ARHGAP15: variants seen among roughly 807,000 people sequenced by gnomAD.
ARHGAP15 encodes Rho GTPase activating protein 15.
Under a neutral mutation model 63.7 loss-of-function variants are expected in ARHGAP15, and 51 were observed. That is an observed-to-expected ratio of 0.80 (90% CI 0.64 to 1.01). The LOEUF is 1.01. Among genes scored for constraint, ARHGAP15 ranks in the 50% least tolerant of loss-of-function variants. ARHGAP15 has a pLI of 0.00. For missense variants in ARHGAP15, 560 were observed against 564.6 expected, an observed-to-expected ratio of 0.99 and a Z score of 0.08; for synonymous variants, 191 against 193.8, an observed-to-expected ratio of 0.99 and a Z score of 0.12.
At chr2:143,444,645 G>A (rs1690050395) in intron 8 of ARHGAP15, among the ~76,000 whole-genome samples, 1 of 151,736 alleles carries the variant, frequency 6.6e-6, no homozygotes, top group African/African-American at 2.4e-5. Flanking sequence ...GATTTATTTG[G>A]ATGTCCCAAA....
At chr2:143,568,498 A>T (rs1696326266) in intron 11 of ARHGAP15, among the ~76,000 whole-genome samples, 2 of 152,352 alleles carry the variant, frequency 1.3e-5, no homozygotes, top group East Asian at 3.9e-4. Flanking sequence ...GGCGATCATT[A>T]AAAAGTCAGG....
chr2:143,402,853 A>G (rs1245840132), intron 6 of ARHGAP15, among the ~76,000 whole-genome samples: 2 of 151,846 alleles, frequency 1.3e-5, no homozygotes, highest in East Asian at 3.9e-4. Context: ...TCACTTTGGG[A>G]CTTCGATGAA....
At chr2:143,406,265 CTAGTTT>C (rs1420824966) in intron 6 of ARHGAP15, among the ~76,000 whole-genome samples, 1 of 151,792 alleles carries the variant, frequency 6.6e-6, no homozygotes, top group Non-Finnish European at 1.5e-5. Flanking sequence ...GTTTATAATT[CTAGTTT>C]TAAAGTCTTT....
At chr2:143,387,348 G>T (rs906399780) in intron 6 of ARHGAP15, among the ~76,000 whole-genome samples, 3 of 152,064 alleles carry the variant, frequency 2.0e-5, no homozygotes, top group South Asian at 2.1e-4. Flanking sequence ...AAATTAAACA[G>T]AATGTAAGAG....
intron 6 of ARHGAP15, among the ~76,000 whole-genome samples, chr2:143,276,562 G>A (rs1355708281): frequency 6.6e-6 from 1 of 152,106 alleles, no homozygotes; most frequent in Non-Finnish European, 1.5e-5. Flanking sequence ...GCATTTTTAT[G>A]CATATTTTCA....
intron 6 of ARHGAP15, among the ~76,000 whole-genome samples, chr2:143,290,589 C>T (rs1301513763): frequency 6.6e-6 from 1 of 152,042 alleles, no homozygotes; most frequent in East Asian, 1.9e-4. Context: ...TAACATTACA[C>T]ATGACGTGGC....
chr2:143,477,601 T>C (rs1382168970), intron 8 of ARHGAP15, among the ~76,000 whole-genome samples: 1 of 151,826 alleles, frequency 6.6e-6, no homozygotes, highest in Admixed American at 6.6e-5. Context: ...CACAAAAAAC[T>C]GGCATAGCTT....
intron 9 of ARHGAP15, among the ~76,000 whole-genome samples, chr2:143,495,346 G>T (rs1328597039): frequency 6.6e-6 from 1 of 152,160 alleles, no homozygotes; most frequent in Non-Finnish European, 1.5e-5. Context: ...AGGAAAGGCA[G>T]CAGTAATTCA....
intron 6 of ARHGAP15, among the ~76,000 whole-genome samples, chr2:143,298,886 G>A (rs1298356071): frequency 6.6e-6 from 1 of 151,848 alleles, no homozygotes; most frequent in Non-Finnish European, 1.5e-5. Context: ...GAGAATTTTT[G>A]TCCCCACTTT....
intron 12 of ARHGAP15, among the ~76,000 whole-genome samples, chr2:143,660,944 G>A (rs926437582): frequency 6.6e-6 from 1 of 152,174 alleles, no homozygotes; most frequent in Middle Eastern, 3.2e-3. Flanking sequence ...TGGTCTCACT[G>A]GGTTAAAATC....
At chr2:143,376,141 T>C (rs1356520401) in intron 6 of ARHGAP15, among the ~76,000 whole-genome samples, 1 of 152,234 alleles carries the variant, frequency 6.6e-6, no homozygotes, top group East Asian at 1.9e-4. Context: ...TATTTCATTA[T>C]GCAACCCTTT....
chr2:143,224,238 A>G (rs534979712), intron 4 of ARHGAP15, among the ~76,000 whole-genome samples: 4 of 152,320 alleles, frequency 2.6e-5, no homozygotes, highest in Admixed American at 6.5e-5. Flanking sequence ...GATAGTTAAG[A>G]AAAAATAATG....
At chr2:143,297,190 G>T (rs1055352489) in intron 6 of ARHGAP15, among the ~76,000 whole-genome samples, 1 of 152,088 alleles carries the variant, frequency 6.6e-6, no homozygotes, top group African/African-American at 2.4e-5. Flanking sequence ...CAAGAGAGGG[G>T]ATTTAAGCCC....
chr2:143,710,443 G>A (rs1008371068), intron 13 of ARHGAP15, among the ~76,000 whole-genome samples: 1 of 152,090 alleles, frequency 6.6e-6, no homozygotes, highest in Non-Finnish European at 1.5e-5. Flanking sequence ...TCTTGGCATG[G>A]GATTTATAAG....
chr2:143,685,385 G>A (rs575616435), intron 12 of ARHGAP15, among the ~76,000 whole-genome samples: 1 of 152,296 alleles, frequency 6.6e-6, no homozygotes, highest in East Asian at 1.9e-4. Context: ...TGCATTTTCA[G>A]GATAGACACA....
intron 8 of ARHGAP15, among the ~76,000 whole-genome samples, chr2:143,470,695 A>G (rs188311531): frequency 7.7e-6 from 1 of 130,598 alleles, no homozygotes; most frequent in Non-Finnish European, 1.7e-5. Flanking sequence ...ATATGTATAT[A>G]TGTGTATATA....
intron 6 of ARHGAP15, among the ~76,000 whole-genome samples, chr2:143,394,770 T>C (rs1201909736): frequency 6.6e-6 from 1 of 152,154 alleles, no homozygotes; most frequent in Non-Finnish European, 1.5e-5. Context: ...GAAATGCTTG[T>C]TAGAGTTAAG....
chr2:143,680,145 A>G (rs1440680217), intron 12 of ARHGAP15, among the ~76,000 whole-genome samples: 4 of 152,062 alleles, frequency 2.6e-5, no homozygotes, highest in African/African-American at 7.2e-5. Context: ...AAGACTTTCC[A>G]TAAATTATTG....
At chr2:143,511,475 T>C (rs896677730) in intron 9 of ARHGAP15, among the ~76,000 whole-genome samples, 5 of 152,190 alleles carry the variant, frequency 3.3e-5, no homozygotes, top group Non-Finnish European at 7.3e-5. Context: ...CATATTTTTA[T>C]GGTTGTTAAG....
Sources: gnomAD v4.1 joint callset for allele counts (sites outside exome capture counted in the v4.1 genomes callset) on GRCh38, gnomAD v4.1.1 for gene constraint, MANE v1.5 for transcripts, NCBI Gene and HGNC (gene_info 2026-07-23, HGNC 2026-07-21) for gene names.